The following MTNAP1 variants were observed in gnomAD, a reference collection of about 807,000 sequenced individuals.
The protein encoded by MTNAP1 is mitochondrial nucleoid-associated protein 1.
At chr17:73,238,468 T>A in the MTNAP1 span, among the ~76,000 whole-genome samples, 587 of 152,326 alleles carry the variant, frequency 3.9e-3, 24 homozygotes, top group Non-Finnish European at 7.8e-4. Context: ...TAAACCTCTA[T>A]TTGCCTGGTC....
chr17:73,237,258 G>A, the MTNAP1 span, among the ~76,000 whole-genome samples: 3,918 of 152,182 alleles, frequency 0.026, 183 homozygotes, highest in African/African-American at 0.09. Flanking sequence ...GCAACATGGT[G>A]AAACCCCATC....
chr17:73,240,974 C>G, the MTNAP1 span, among the ~76,000 whole-genome samples: 15 of 152,104 alleles, frequency 9.9e-5, no homozygotes, highest in Non-Finnish European at 1.9e-4. Flanking sequence ...CTTTAATGAT[C>G]ATTTGGATAT....
chr17:73,240,961 G>A, the MTNAP1 span, among the ~76,000 whole-genome samples: 1 of 152,054 alleles, frequency 6.6e-6, no homozygotes, highest in Non-Finnish European at 1.5e-5. Flanking sequence ...TCTTTTCATT[G>A]TTCTTTAATG....
At chr17:73,247,059 A>G in the MTNAP1 span, among the ~76,000 whole-genome samples, 5 of 152,160 alleles carry the variant, frequency 3.3e-5, no homozygotes, top group Non-Finnish European at 7.3e-5. Context: ...ACTGTGACCC[A>G]CGGACCAAAG....
the MTNAP1 span, chr17:73,236,752 T>A: frequency 8.7e-6 from 14 of 1,614,036 alleles, no homozygotes; most frequent in African/African-American, 1.3e-5. Context: ...GTTCCAAGCA[T>A]CACACACTGG....
At chr17:73,239,531 T>TTTG in the MTNAP1 span, among the ~76,000 whole-genome samples, 1 of 150,696 alleles carries the variant, frequency 6.6e-6, no homozygotes, top group Non-Finnish European at 1.5e-5. Flanking sequence ...TTTTTTTTTT[T>TTTG]TTCTTGAGAC....
At chr17:73,245,247 G>A in the MTNAP1 span, 36 of 1,607,146 alleles carry the variant, frequency 2.2e-5, no homozygotes, top group Non-Finnish European at 2.7e-5. Context: ...CAGTGGAGAC[G>A]ACTGCAATAC....
At chr17:73,242,401 G>A in the MTNAP1 span, 1 of 1,310,788 alleles carries the variant, frequency 7.6e-7, no homozygotes, top group Non-Finnish European at 1.1e-6. Flanking sequence ...CTGGGCATTT[G>A]GAAAAGTTTC....
chr17:73,235,745 A>G, the MTNAP1 span: 1 of 1,614,208 alleles, frequency 6.2e-7, no homozygotes, highest in East Asian at 2.2e-5. Context: ...AAACCAGAAC[A>G]GACAGTGAAG....
At chr17:73,235,722 G>A in the MTNAP1 span, 2 of 1,614,200 alleles carry the variant, frequency 1.2e-6, no homozygotes, top group Non-Finnish European at 1.7e-6. Flanking sequence ...GAAATTCTAA[G>A]TTGGTGGTGG....
At chr17:73,236,359 A>G in the MTNAP1 span, 38 of 1,614,036 alleles carry the variant, frequency 2.4e-5, no homozygotes, top group African/African-American at 4.1e-4. Flanking sequence ...AATCCAAGTC[A>G]TGGAGAAACA....
chr17:73,243,053 G>A, the MTNAP1 span: 1 of 1,278,716 alleles, frequency 7.8e-7, no homozygotes, highest in South Asian at 1.3e-5. Context: ...ATTCCGTTAT[G>A]TGGACCTCCA....
chr17:73,243,590 A>G, the MTNAP1 span, among the ~76,000 whole-genome samples: 1 of 145,926 alleles, frequency 6.9e-6, no homozygotes, highest in South Asian at 2.2e-4. Context: ...GTGCAGTGGC[A>G]TGATCTCAGC....
At chr17:73,234,942 G>C in the MTNAP1 span, among the ~76,000 whole-genome samples, 7 of 152,148 alleles carry the variant, frequency 4.6e-5, no homozygotes, top group Admixed American at 3.3e-4. Context: ...GGGCGTGGGC[G>C]TGGTAGCTCG....
chr17:73,235,813 G>C, the MTNAP1 span: 1 of 1,614,140 alleles, frequency 6.2e-7, no homozygotes, highest in Non-Finnish European at 8.5e-7. Flanking sequence ...GGCAGATAAA[G>C]ACATCAAGAA....
At chr17:73,242,760 G>A in the MTNAP1 span, 1 of 642,344 alleles carries the variant, frequency 1.6e-6, no homozygotes. Flanking sequence ...TAGCCTTTAT[G>A]TGTTTAAAAT....
At chr17:73,247,586 C>T in the MTNAP1 span, 4 of 429,458 alleles carry the variant, frequency 9.3e-6, no homozygotes, top group African/African-American at 6.0e-5. Flanking sequence ...ATTTTATATC[C>T]CTGAAAATAA....
the MTNAP1 span, chr17:73,242,281 T>A: frequency 6.2e-7 from 1 of 1,605,872 alleles, no homozygotes; most frequent in Admixed American, 1.7e-5. Flanking sequence ...ATATAAGGAG[T>A]TTGGAACCCC....
chr17:73,237,434 T>C, the MTNAP1 span, among the ~76,000 whole-genome samples: 1 of 114,288 alleles, frequency 8.7e-6, no homozygotes, highest in Admixed American at 8.9e-5. Flanking sequence ...AGACCCTGTC[T>C]CAAAAAAAAA....
Sources: allele counts gnomAD v4.1 joint callset (sites outside exome capture counted in the v4.1 genomes callset), GRCh38; gene constraint gnomAD v4.1.1; transcripts MANE v1.5; gene names NCBI Gene and HGNC (gene_info 2026-07-23, HGNC 2026-07-21).